The following SDC2 variants were observed in gnomAD, a reference collection of about 807,000 sequenced individuals.
SDC2 encodes syndecan-2.
A neutral mutation model predicts 22.2 loss-of-function variants in SDC2; 13 were observed. The observed-to-expected ratio is 0.59, with a 90% CI of 0.38 to 0.93. The LOEUF is 0.93. Ranked by LOEUF, SDC2 falls within the 40% of genes least tolerant of loss-of-function variation. SDC2 has a pLI of 0.00. For missense variants in SDC2, 235 were observed against 246.8 expected, an observed-to-expected ratio of 0.95 and a Z score of 0.32; for synonymous variants, 94 against 92.8, an observed-to-expected ratio of 1.01 and a Z score of -0.07.
chr8:96,607,592 G>T (rs537702191), intron 3 of SDC2, among the ~76,000 whole-genome samples: 1 of 152,154 alleles, frequency 6.6e-6, no homozygotes, highest in Non-Finnish European at 1.5e-5. Context: ...ATGTCCTGCA[G>T]GCTGCTGGCT....
intron 1 of SDC2, among the ~76,000 whole-genome samples, chr8:96,558,717 G>A (rs1038415944): frequency 7.2e-5 from 11 of 152,138 alleles, no homozygotes; most frequent in African/African-American, 2.7e-4. Flanking sequence ...GGGAATATAA[G>A]GGTGGGAAAT....
intron 3 of SDC2, among the ~76,000 whole-genome samples, chr8:96,603,191 A>C (rs1815022305): frequency 6.6e-6 from 1 of 152,218 alleles, no homozygotes; most frequent in Admixed American, 6.5e-5. Flanking sequence ...CTGAAGTTAG[A>C]ACATGCATAT....
chr8:96,583,985 C>T (rs918503229), intron 1 of SDC2, among the ~76,000 whole-genome samples: 2 of 152,020 alleles, frequency 1.3e-5, no homozygotes, highest in African/African-American at 4.8e-5. Context: ...AGGATAATTC[C>T]TGGGAGAAGA....
At chr8:96,606,149 G>A (rs770398016) in intron 3 of SDC2, among the ~76,000 whole-genome samples, 10 of 151,912 alleles carry the variant, frequency 6.6e-5, no homozygotes, top group Non-Finnish European at 1.3e-4. Context: ...TTTGAGACAG[G>A]GTCTCACTCT....
intron 1 of SDC2, among the ~76,000 whole-genome samples, chr8:96,553,577 G>A (rs376164930): frequency 6.6e-6 from 1 of 151,770 alleles, no homozygotes. Flanking sequence ...TAGTTTGAGA[G>A]CCATTCGATT....
intron 1 of SDC2, among the ~76,000 whole-genome samples, chr8:96,521,844 G>A (rs1410920864): frequency 2.6e-5 from 4 of 152,144 alleles, no homozygotes; most frequent in South Asian, 2.1e-4. Flanking sequence ...TGAGCTGTTC[G>A]TGTTTTGTTT....
chr8:96,517,695 T>C (rs1402818076), intron 1 of SDC2, among the ~76,000 whole-genome samples: 1 of 150,742 alleles, frequency 6.6e-6, no homozygotes, highest in Non-Finnish European at 1.5e-5. Flanking sequence ...TCTGTATGAT[T>C]TATATGAAGT....
chr8:96,593,727 G>A (rs1317441684), intron 2 of SDC2, 136 bp downstream of exon 2: 3 of 601,196 alleles, frequency 5.0e-6, no homozygotes, highest in Non-Finnish European at 5.9e-6. Context: ...AAGGGCCTGG[G>A]TGCTAATTCT....
At chr8:96,560,828 G>C (rs899002389) in intron 1 of SDC2, among the ~76,000 whole-genome samples, 1 of 152,102 alleles carries the variant, frequency 6.6e-6, no homozygotes, top group African/African-American at 2.4e-5. Context: ...GAGATATGCC[G>C]GGCGTGATGG....
In SDC2 at chr8:96,560,729, C is replaced by CA. The variant is rs55777629; in HGVS notation, c.61-32739dup. Among the ~76,000 whole-genome samples, 1,193 of 138,214 alleles carry CA rather than the reference C, an allele frequency of 8.6e-3. 11 individuals are homozygous for CA. Among genetic ancestry groups the CA allele is most frequent in the East Asian group, 0.04 (196 of 4,886 alleles). 90.7% of individuals were successfully genotyped at this position (138,214 alleles called of 152,430 possible). On this transcript the variant is annotated intron_variant, in intron 1 of 4. Transcript: ENST00000302190. ...AGCTATGTACATATACTTGATTTTC[C>CA]AAAAAAAAAAAATCAAGAGGTTCAT... is the stretch of plus-strand genomic sequence containing the variant.
intron 1 of SDC2, among the ~76,000 whole-genome samples, chr8:96,532,863 C>T (rs1423318917): frequency 2.0e-5 from 3 of 152,162 alleles, no homozygotes; most frequent in Non-Finnish European, 1.5e-5. Context: ...AGCATAGGCC[C>T]TGTGCCCTAA....
chr8:96,559,290 A>G (rs979275984), intron 1 of SDC2, among the ~76,000 whole-genome samples: 2 of 152,164 alleles, frequency 1.3e-5, no homozygotes, highest in African/African-American at 4.8e-5. Flanking sequence ...TGAGAGGAGA[A>G]AGGAAGGAAT....
chr8:96,503,479 A>AATC (rs1370622198), intron 1 of SDC2, among the ~76,000 whole-genome samples: 33 of 152,242 alleles, frequency 2.2e-4, no homozygotes, highest in African/African-American at 8.0e-4. Context: ...GTGTGTATAA[A>AATC]GATAATGTAT....
At position 96,609,512 on chromosome 8, in the gene SDC2, T is replaced by C; in HGVS notation, c.570T>C (p.Ala190=). 6.2e-7 allele frequency: 1 copy of C among 1,607,438 alleles called. No individual in the cohort carries two copies. The highest frequency in any genetic ancestry group is 2.2e-5 in the East Asian group (1 of 44,546). The change falls in exon 5 of 5, where the codon GCT becomes GCC. Residue 190 remains alanine (A), a synonymous_variant. Coordinates refer to ENST00000302190, the MANE Select transcript of SDC2 (RefSeq NM_002998.4). ...GAGAACGCAAACCATCCAGTGCTGC[T>C]TATCAGAAGGCACCTACTAAGGAGT... ...DLGERKPSSA[A]YQKAPTKEFY... is the part of the protein sequence containing the mutation.
At position 96,611,691 on chromosome 8, in the gene SDC2, T is replaced by C. The variant is rs1815178320; in HGVS notation, c.*2143T>C. On this transcript the variant is annotated 3_prime_UTR_variant, in exon 5 of 5. Transcript: ENST00000302190. The stretch of plus-strand genomic sequence containing the variant: ...AATATCCGTGCCAGGAAAAGAAAAA[T>C]TTCTGGCAAATATTTTGTCACTGCT... 1 of 152,520 alleles carries C rather than the reference T, an allele frequency of 6.6e-6. No individual in the cohort carries two copies. The highest frequency in any genetic ancestry group is 6.6e-5 in the Admixed American group (1 of 15,254). 9.4% of individuals were successfully genotyped at this position (152,520 alleles called of 1,614,324 possible).
At chr8:96,567,701 T>G (rs1814323738) in intron 1 of SDC2, among the ~76,000 whole-genome samples, 1 of 152,228 alleles carries the variant, frequency 6.6e-6, no homozygotes, top group Non-Finnish European at 1.5e-5. Flanking sequence ...TCTGCCATTT[T>G]TAATCTGATT....
chr8:96,595,338 G>GA (rs35086476), intron 2 of SDC2, among the ~76,000 whole-genome samples: 54,272 of 152,056 alleles, frequency 0.36, 12,130 homozygotes, highest in Non-Finnish European at 0.5. Flanking sequence ...AGAAAGACAA[G>GA]AGAGGTGGTT....
At chr8:96,593,353 A>C in intron 1 of SDC2, 127 bp from the exon 2 acceptor site, 1 of 633,478 alleles carries the variant, frequency 1.6e-6, no homozygotes, top group East Asian at 2.8e-5. Context: ...CTGTGGCCAG[A>C]GATGTGGATT....
intron 1 of SDC2, among the ~76,000 whole-genome samples, chr8:96,578,454 T>C (rs1814539215): frequency 6.6e-6 from 1 of 152,226 alleles, no homozygotes; most frequent in Admixed American, 6.5e-5. Flanking sequence ...ATTTCCATCA[T>C]CACAGATTTT....
Sources: gnomAD v4.1 joint callset for allele counts (sites outside exome capture counted in the v4.1 genomes callset) on GRCh38, gnomAD v4.1.1 for gene constraint, MANE v1.5 for transcripts, NCBI Gene and HGNC (gene_info 2026-07-23, HGNC 2026-07-21) for gene names.